TBC1D5: variants seen among roughly 807,000 people sequenced by gnomAD.
TBC1D5 encodes TBC1 domain family, member 5.
TBC1D5 carries 75 observed loss-of-function variants against 100.3 expected under a neutral mutation model. The observed-to-expected ratio is 0.75, with a 90% CI of 0.62 to 0.91. The LOEUF (loss-of-function observed/expected upper bound fraction) is 0.91, where lower values mean the gene tolerates loss of function less well. Ranked by LOEUF, TBC1D5 falls within the 40% of genes least tolerant of loss-of-function variation. The pLI, the probability that TBC1D5 is intolerant of heterozygous loss-of-function variation, is 0.00. For missense variants in TBC1D5, 910 were observed against 942.4 expected, an observed-to-expected ratio of 0.97 and a Z score of 0.45; for synonymous variants, 323 against 325.6, an observed-to-expected ratio of 0.99 and a Z score of 0.09.
chr3:17,424,673 T>C (rs547460003), intron 4 of TBC1D5, among the ~76,000 whole-genome samples: 2 of 152,246 alleles, frequency 1.3e-5, no homozygotes, highest in Non-Finnish European at 2.9e-5. Flanking sequence ...TACTCAAGCA[T>C]CAAATAATAA....
At chr3:17,403,303 G>C in intron 7 of TBC1D5, 55 bp from the exon 8 acceptor site, 1 of 1,241,450 alleles carries the variant, frequency 8.1e-7, no homozygotes, top group Non-Finnish European at 1.1e-6. Context: ...TTTACTTTTA[G>C]TGATTTCAAT....
intron 13 of TBC1D5, among the ~76,000 whole-genome samples, chr3:17,368,548 C>G (rs924890691): frequency 5.3e-5 from 8 of 152,028 alleles, no homozygotes; most frequent in African/African-American, 1.9e-4. Flanking sequence ...CTTGCTAACA[C>G]TTTTCCCCCA....
chr3:17,547,522 A>G (rs946805427), intron 2 of TBC1D5, among the ~76,000 whole-genome samples: 3 of 152,230 alleles, frequency 2.0e-5, no homozygotes, highest in Non-Finnish European at 4.4e-5. Context: ...CAGTCTTAAA[A>G]TGTAATTTAG....
chr3:17,527,833 A>T (rs991276230), intron 2 of TBC1D5, among the ~76,000 whole-genome samples: 1 of 152,226 alleles, frequency 6.6e-6, no homozygotes, highest in Non-Finnish European at 1.5e-5. Context: ...AAATAAAAAC[A>T]TCTGCACAAA....
intron 1 of TBC1D5, among the ~76,000 whole-genome samples, chr3:17,642,224 T>A (rs1014801347): frequency 4.6e-5 from 7 of 152,118 alleles, no homozygotes; most frequent in African/African-American, 1.7e-4. Flanking sequence ...GTGACCATTG[T>A]GTTCTGGGCA....
chr3:17,180,916 CAAA>C (rs76797012), intron 19 of TBC1D5, among the ~76,000 whole-genome samples: 39 of 96,132 alleles, frequency 4.1e-4, no homozygotes, highest in African/African-American at 1.0e-3. Flanking sequence ...ACATTTACAC[CAAA>C]AAAAAAAAAA....
intron 1 of TBC1D5, among the ~76,000 whole-genome samples, chr3:17,679,179 A>G (rs961877027): frequency 2.0e-5 from 3 of 151,264 alleles, no homozygotes; most frequent in East Asian, 3.8e-4. Context: ...TGTGACTACT[A>G]TCTATCCCAG....
chr3:17,678,666 TAAAA>T lies in TBC1D5; in HGVS notation c.-100-54757_-100-54754del, dbSNP rs150614567. ...AAGAGAACTGAGGGAAAAAGAGGGA[TAAAA>T]AAAAAAAAAAAAAAAAACAGGAAAA... On this transcript the variant is annotated intron_variant, in intron 1 of 21. Transcript: ENST00000253692. 8.7e-3 allele frequency among the ~76,000 whole-genome samples: 947 copies of T among 109,026 alleles called. 15 individuals carry two copies. The highest frequency in any genetic ancestry group is 0.029 in the East Asian group (127 of 4,394). 71.5% of individuals were successfully genotyped at this position (109,026 alleles called of 152,430 possible). A position where few individuals can be genotyped will look rare whatever the true frequency, so the allele number is the denominator to read the frequency against.
At chr3:17,540,401 C>T (rs1186313979) in intron 2 of TBC1D5, among the ~76,000 whole-genome samples, 1 of 152,088 alleles carries the variant, frequency 6.6e-6, no homozygotes, top group African/African-American at 2.4e-5. Flanking sequence ...CCGAATAAAT[C>T]ACTGTCATAA....
rs147807028 is a variant in TBC1D5 at position 17,174,734 on chromosome 3, T to C, written c.1853-6906A>G. On this transcript the variant is annotated intron_variant, in intron 19 of 21. Coordinates refer to ENST00000253692, the Ensembl canonical transcript of TBC1D5. ...TCAGCTTCCTGAGTAGCTGGGATTA[T>C]AGGCGTGTGCTACCATGCCTGGCTA... Among the ~76,000 whole-genome samples, 9 of 152,244 alleles carry C rather than the reference T, an allele frequency of 5.9e-5. No homozygotes were observed. In the East Asian group the frequency reaches 1.4e-3, roughly 23 times the overall value.
At chr3:17,440,768 A>G (rs2094637054) in intron 3 of TBC1D5, among the ~76,000 whole-genome samples, 1 of 152,094 alleles carries the variant, frequency 6.6e-6, no homozygotes, top group South Asian at 2.1e-4. Context: ...CAACCTCCCA[A>G]GTAGCTGGGA....
intron 17 of TBC1D5, among the ~76,000 whole-genome samples, chr3:17,217,098 C>T (rs992346563): frequency 1.3e-5 from 2 of 152,124 alleles, no homozygotes; most frequent in Non-Finnish European, 2.9e-5. Context: ...TTTGCCTTTT[C>T]TAGACATGTC....
chr3:17,358,175 TTTG>T (rs1346930976), intron 13 of TBC1D5, among the ~76,000 whole-genome samples: 4 of 150,492 alleles, frequency 2.7e-5, no homozygotes, highest in African/African-American at 5.0e-5. Flanking sequence ...TCACTTTTTT[TTTG>T]TTTGTTTGTT....
chr3:17,238,556 G>A, intron 16 of TBC1D5, 137 bp from the exon 17 acceptor site: 1 of 1,011,536 alleles, frequency 9.9e-7, no homozygotes, highest in Non-Finnish European at 1.4e-6. Context: ...AGTGAGAAGT[G>A]AAAAATTTAA....
intron 2 of TBC1D5, among the ~76,000 whole-genome samples, chr3:17,590,479 T>C (rs527645845): frequency 1.3e-5 from 2 of 152,282 alleles, no homozygotes; most frequent in African/African-American, 4.8e-5. Context: ...CTTAGGAAGA[T>C]TGGGATGGTG....
Position 17,428,533 on chromosome 3 carries a change from T to C in TBC1D5, c.98-14A>G. The C allele has an allele frequency of 7.0e-7, 1 of 1,424,076 alleles. No individual in the cohort carries two copies. The allele number at this position is 1,424,076 out of a possible 1,614,324, so 88.2% of individuals were successfully genotyped here. ...TATTTGAATCTCCTGGAGAAAAAAA[T>C]TACGACACTGAAATAATGGAGATAA... is the stretch of plus-strand genomic sequence containing the variant. On this transcript the variant is annotated splice_polypyrimidine_tract_variant and intron_variant, in intron 3 of 21. Transcript: ENST00000253692.
chr3:17,291,177 G>A (rs1190604170), intron 15 of TBC1D5, among the ~76,000 whole-genome samples: 2 of 152,204 alleles, frequency 1.3e-5, no homozygotes, highest in Admixed American at 1.3e-4. Flanking sequence ...CGTGTTTGAA[G>A]CTTTCTCTCT....
At chr3:17,310,630 C>A (rs1040410733) in intron 13 of TBC1D5, among the ~76,000 whole-genome samples, 1 of 151,954 alleles carries the variant, frequency 6.6e-6, no homozygotes, top group African/African-American at 2.4e-5. Flanking sequence ...AATGGGATAG[C>A]TAATTTGGAA....
chr3:17,653,938 G>C (rs960586279), intron 1 of TBC1D5, among the ~76,000 whole-genome samples: 4 of 152,264 alleles, frequency 2.6e-5, no homozygotes, highest in African/African-American at 9.6e-5. Flanking sequence ...ATAAGGATTA[G>C]AGGGGTTATT....
Sources: gnomAD v4.1 joint callset for allele counts (sites outside exome capture counted in the v4.1 genomes callset) on GRCh38, gnomAD v4.1.1 for gene constraint, MANE v1.5 for transcripts, NCBI Gene and HGNC (gene_info 2026-07-23, HGNC 2026-07-21) for gene names.